Variants in MORC1 observed in about 807,000 individuals in gnomAD.
MORC1 encodes the protein MORC family CW-type zinc finger protein 1.
Under a neutral mutation model 134.9 loss-of-function variants are expected in MORC1, and 59 were observed. The observed-to-expected ratio is 0.44, with a 90% CI of 0.35 to 0.54. MORC1 has a LOEUF of 0.54. MORC1 is among the 20% of genes least tolerant of loss of function. MORC1 has a pLI of 0.00. For missense variants in MORC1, 947 were observed against 1,134.5 expected, an observed-to-expected ratio of 0.83 and a Z score of 2.37; for synonymous variants, 395 against 391.7, an observed-to-expected ratio of 1.01 and a Z score of -0.10.
At chr3:109,023,167 A>G (rs9822718) in intron 17 of MORC1, among the ~76,000 whole-genome samples, 29,041 of 152,244 alleles carry the variant, frequency 0.19, 3,305 homozygotes, top group Middle Eastern at 0.32. Context: ...AGGACTGGAG[A>G]AGGACCAGAG....
intron 8 of MORC1, among the ~76,000 whole-genome samples, chr3:109,078,705 C>T (rs1020247333): frequency 7.9e-5 from 12 of 151,564 alleles, no homozygotes; most frequent in African/African-American, 2.9e-4. Context: ...AAAGTAATCC[C>T]AGCAGACTTA....
intron 3 of MORC1, among the ~76,000 whole-genome samples, chr3:109,106,521 C>T (rs564762595): frequency 1.3e-5 from 2 of 152,254 alleles, no homozygotes; most frequent in Admixed American, 6.5e-5. Flanking sequence ...GTTAATTACG[C>T]GTGTCCAAAA....
At chr3:109,067,572 A>AT (rs529525525) in intron 9 of MORC1, among the ~76,000 whole-genome samples, 130 of 152,270 alleles carry the variant, frequency 8.5e-4, no homozygotes, top group African/African-American at 3.0e-3. Context: ...GACTTAAACT[A>AT]TTTTTTACCC....
intron 6 of MORC1, 139 bp downstream of exon 6, chr3:109,099,219 C>T (rs1950881269): frequency 1.7e-6 from 1 of 600,734 alleles, no homozygotes; most frequent in Non-Finnish European, 2.8e-6. Flanking sequence ...TGTCTTGATA[C>T]CTTCTCTCCA....
At chr3:108,965,456 G>A (rs1212095047) in intron 26 of MORC1, among the ~76,000 whole-genome samples, 1 of 152,166 alleles carries the variant, frequency 6.6e-6, no homozygotes, top group African/African-American at 2.4e-5. Flanking sequence ...AAGCAATAGA[G>A]ATGGAGAACA....
intron 17 of MORC1, among the ~76,000 whole-genome samples, chr3:109,018,713 T>C (rs1948882889): frequency 6.6e-6 from 1 of 152,238 alleles, no homozygotes. Context: ...TTGTGTTATA[T>C]ATAATACTTT....
At chr3:109,026,878 C>T (rs1041788825) in intron 17 of MORC1, among the ~76,000 whole-genome samples, 4 of 152,278 alleles carry the variant, frequency 2.6e-5, no homozygotes, top group African/African-American at 9.6e-5. Flanking sequence ...AAAAGGAAAG[C>T]TCTGGTTTCT....
chr3:108,960,122 T>C (rs1947042221), intron 27 of MORC1, among the ~76,000 whole-genome samples: 2 of 152,176 alleles, frequency 1.3e-5, no homozygotes, highest in African/African-American at 4.8e-5. Context: ...AAGAGGAAGC[T>C]AGCAATGTCA....
At chr3:109,057,590 T>C in intron 12 of MORC1, 104 bp from the exon 13 acceptor site, 1 of 1,111,056 alleles carries the variant, frequency 9.0e-7, no homozygotes, top group Non-Finnish European at 1.2e-6. Flanking sequence ...CAAAGGCATA[T>C]ATCCAAATAT....
chr3:109,002,842 A>C lies in MORC1; in HGVS notation c.2085+1975T>G, dbSNP rs980026043. Among the ~76,000 whole-genome samples, 12 of 152,320 alleles carry C rather than the reference A, an allele frequency of 7.9e-5. No homozygotes were observed. In the South Asian group the frequency reaches 2.5e-3, roughly 32 times the overall value. On this transcript the variant is annotated intron_variant, in intron 20 of 27. Coordinates refer to ENST00000232603, the MANE Select transcript of MORC1 (RefSeq NM_014429.4). ...AAACCCCTTATGACTGGCCTATAGT[A>C]CCTGCCCTACTCCTTCACACCACAG... is the stretch of plus-strand genomic sequence containing the variant.
chr3:109,044,151 T>C (rs1387343977), intron 14 of MORC1, among the ~76,000 whole-genome samples: 2 of 152,186 alleles, frequency 1.3e-5, no homozygotes, highest in African/African-American at 4.8e-5. Flanking sequence ...AGAAGAAGTA[T>C]CTGTGAGAAA....
At chr3:109,027,564 A>ATT (rs56210875) in intron 17 of MORC1, among the ~76,000 whole-genome samples, 187 bp downstream of exon 17, 35,528 of 147,602 alleles carry the variant, frequency 0.24, 4,327 homozygotes, top group Middle Eastern at 0.35. Context: ...CATATACAGT[A>ATT]TTTTTTTTTT....
At position 109,095,059 on chromosome 3, in the gene MORC1, G is replaced by C; in HGVS notation, c.433C>G (p.Pro145Ala). The change falls in exon 7 of 28, where the codon CCA becomes GCA. Residue 145 changes from proline to alanine, a missense_variant. Physicochemically the swap from Pro to Ala is conservative, Grantham distance 27. Transcript: ENST00000232603. ...GTTCTTATTAACCATGAGGGCATTG[G>C]AACTACAACCTATTTAAAAAAAAAC... ...EEESLSEVVV[P>A]MPSWLIRTRE... 1 of 1,572,668 alleles carries C rather than the reference G, an allele frequency of 6.4e-7. No individual in the cohort carries two copies. The highest frequency in any genetic ancestry group is 8.6e-7 in the Non-Finnish European group (1 of 1,167,568).
At chr3:109,002,625 G>T (rs1948435197) in intron 20 of MORC1, among the ~76,000 whole-genome samples, 1 of 152,154 alleles carries the variant, frequency 6.6e-6, no homozygotes, top group African/African-American at 2.4e-5. Context: ...CCAGGCTCAA[G>T]GTCCATCTTT....
intron 17 of MORC1, among the ~76,000 whole-genome samples, chr3:109,022,140 C>G (rs1309607630): frequency 6.6e-6 from 1 of 152,110 alleles, no homozygotes; most frequent in Non-Finnish European, 1.5e-5. Flanking sequence ...TAGACAAGGG[C>G]CTTTAGGTGT....
At chr3:109,105,671 C>A (rs1189566509) in intron 3 of MORC1, among the ~76,000 whole-genome samples, 1 of 99,418 alleles carries the variant, frequency 1.0e-5, no homozygotes, top group East Asian at 4.2e-4. Context: ...AGAGAGAGAC[C>A]CTGTCTCAAA....
intron 10 of MORC1, 66 bp downstream of exon 10, chr3:109,063,086 A>C: frequency 2.5e-6 from 3 of 1,199,826 alleles, no homozygotes; most frequent in Non-Finnish European, 3.6e-6. Flanking sequence ...GTCTCAAAAT[A>C]AGTGCACAAT....
intron 12 of MORC1, among the ~76,000 whole-genome samples, chr3:109,059,301 T>C (rs762996991): frequency 1.6e-4 from 25 of 152,184 alleles, no homozygotes; most frequent in Non-Finnish European, 3.1e-4. Context: ...CTTACAAATG[T>C]AAATATTTGG....
At chr3:109,100,537 T>TA in intron 4 of MORC1, 30 bp from the exon 5 acceptor site, 1 of 1,550,224 alleles carries the variant, frequency 6.5e-7, no homozygotes, top group South Asian at 1.1e-5. Flanking sequence ...TTAAGGTGGT[T>TA]AGGAAGACTC....
Sources: allele counts gnomAD v4.1 joint callset (sites outside exome capture counted in the v4.1 genomes callset), GRCh38; gene constraint gnomAD v4.1.1; transcripts MANE v1.5; gene names NCBI Gene and HGNC (gene_info 2026-07-23, HGNC 2026-07-21).